The following MIR2052HG variants were observed in gnomAD, a reference collection of about 807,000 sequenced individuals.
The protein encoded by MIR2052HG is MIR2052 host gene.
chr8:74,752,310 A>G, intron 4 of MIR2052HG: 1 of 313,672 alleles, frequency 3.2e-6, no homozygotes, highest in Non-Finnish European at 6.1e-6. Context: ...AAAGTATAGG[A>G]TTTTAAGAGA....
chr8:74,724,299 C>T (rs1449237620), intron 4 of MIR2052HG, among the ~76,000 whole-genome samples: 2 of 152,066 alleles, frequency 1.3e-5, no homozygotes, highest in Non-Finnish European at 2.9e-5. Context: ...TTTCCTTCTA[C>T]TGGCAATGTT....
intron 2 of MIR2052HG, among the ~76,000 whole-genome samples, chr8:74,686,667 C>T (rs762211892): frequency 6.6e-6 from 1 of 151,968 alleles, no homozygotes; most frequent in Non-Finnish European, 1.5e-5. Context: ...GTCATCAAGC[C>T]GTTTTGAAGG....
At chr8:74,615,299 T>A (rs1291735482) in intron 2 of MIR2052HG, among the ~76,000 whole-genome samples, 3 of 152,180 alleles carry the variant, frequency 2.0e-5, no homozygotes, top group Non-Finnish European at 4.4e-5. Flanking sequence ...CAACTCTAGC[T>A]CTAATGTCAT....
intron 2 of MIR2052HG, among the ~76,000 whole-genome samples, chr8:74,658,531 G>A (rs576310944): frequency 7.8e-4 from 118 of 151,918 alleles, no homozygotes; most frequent in African/African-American, 2.7e-3. Flanking sequence ...GCTGGGATGT[G>A]CCCACCACCA....
chr8:74,738,658 A>C (rs557533608), intron 4 of MIR2052HG, among the ~76,000 whole-genome samples: 1 of 152,328 alleles, frequency 6.6e-6, no homozygotes, highest in Admixed American at 6.5e-5. Context: ...AAATCACATT[A>C]ACAGTTTTTT....
chr8:74,714,698 C>CTTTTTTTTTTTTTTT lies in MIR2052HG; in HGVS notation n.371+11021_371+11035dup, dbSNP rs10715580. ...TCTTTGGGAGACCTCCTTTTTCCTT[C>CTTTTTTTTTTTTTTT]TTTTTTTTTTTTTTTTTTTGTTTTT... On this transcript the variant is annotated intron_variant and non_coding_transcript_variant, in intron 4 of 6. Transcript: ENST00000523442. Among the ~76,000 whole-genome samples, 6 of 124,442 alleles carry CTTTTTTTTTTTTTTT rather than the reference C, an allele frequency of 4.8e-5. 1 individual carries two copies. Among genetic ancestry groups the CTTTTTTTTTTTTTTT allele is most frequent in the Non-Finnish European group, 8.3e-5 (5 of 60,060 alleles). The allele number at this position is 124,442 out of a possible 152,430, so 81.6% of individuals were successfully genotyped here.
intron 4 of MIR2052HG, among the ~76,000 whole-genome samples, chr8:74,734,474 C>A (rs1328950859): frequency 6.6e-6 from 1 of 152,136 alleles, no homozygotes; most frequent in Non-Finnish European, 1.5e-5. Flanking sequence ...CTGAGATATC[C>A]AAGATCAGAT....
intron 4 of MIR2052HG, among the ~76,000 whole-genome samples, chr8:74,750,556 G>T (rs926461180): frequency 5.4e-5 from 8 of 147,260 alleles, no homozygotes; most frequent in African/African-American, 1.9e-4. Flanking sequence ...CAAATAAGAG[G>T]TCATTTTGAC....
intron 2 of MIR2052HG, among the ~76,000 whole-genome samples, chr8:74,678,128 A>T (rs1341631378): frequency 6.6e-6 from 1 of 152,230 alleles, no homozygotes; most frequent in Non-Finnish European, 1.5e-5. Context: ...ATTGCCCTAA[A>T]ATCAGTAATT....
intron 2 of MIR2052HG, among the ~76,000 whole-genome samples, chr8:74,674,019 C>G (rs1368787386): frequency 2.0e-5 from 3 of 150,186 alleles, no homozygotes; most frequent in Non-Finnish European, 3.0e-5. Context: ...TTTAAACAAG[C>G]AATTAGTCTC....
rs530490553 is a variant in MIR2052HG, at chr8:74,704,566, C to T, written n.371+884C>T. ...CTTTTTCTTTTTACTAAATCTGATG[C>T]CTACAGGCCTCTCTGGGATTTCTTC... On this transcript the variant is annotated intron_variant and non_coding_transcript_variant, in intron 4 of 6. Coordinates refer to ENST00000523442, the Ensembl canonical transcript of MIR2052HG. 1.2e-3 allele frequency among the ~76,000 whole-genome samples: 181 copies of T among 152,112 alleles called. 2 individuals carry two copies. The highest frequency in any genetic ancestry group is 4.2e-3 in the African/African-American group (175 of 41,532).
At chr8:74,659,378 A>G (rs966356375) in intron 2 of MIR2052HG, among the ~76,000 whole-genome samples, 1 of 152,248 alleles carries the variant, frequency 6.6e-6, no homozygotes, top group Non-Finnish European at 1.5e-5. Context: ...AATAAAGTGT[A>G]TAGTTGAAAC....
chr8:74,613,599 C>G (rs1348988451), intron 2 of MIR2052HG, among the ~76,000 whole-genome samples: 1 of 152,288 alleles, frequency 6.6e-6, no homozygotes, highest in South Asian at 2.1e-4. Flanking sequence ...ATTCTCCCTG[C>G]CTCAGCCTCC....
chr8:74,604,262 G>A lies in MIR2052HG; in HGVS notation n.128+4354G>A, dbSNP rs903208706. 7.0e-6 allele frequency: 6 copies of A among 857,042 alleles called. No homozygotes were observed. The African/African-American group carries it at 8.3e-5, about 12-fold the overall frequency. 53.1% of individuals were successfully genotyped at this position (857,042 alleles called of 1,614,324 possible). A position where few individuals can be genotyped will look rare whatever the true frequency, so the allele number is the denominator to read the frequency against. On this transcript the variant is annotated intron_variant and non_coding_transcript_variant, in intron 1 of 6. Transcript: ENST00000523442. ...GTTTCCATGTCGAGCAGTGTTCTGG[G>A]GAGCTGGACTTTGAGTGGTCAAGTC...
At chr8:74,751,666 C>G (rs1013604027) in intron 4 of MIR2052HG, among the ~76,000 whole-genome samples, 7 of 152,102 alleles carry the variant, frequency 4.6e-5, no homozygotes, top group African/African-American at 1.7e-4. Context: ...ACAGTTTTTA[C>G]CCCATATTAT....
intron 2 of MIR2052HG, among the ~76,000 whole-genome samples, chr8:74,644,867 G>A (rs1218762557): frequency 6.6e-6 from 1 of 151,504 alleles, no homozygotes; most frequent in Non-Finnish European, 1.5e-5. Context: ...CTCTAGCCTG[G>A]GCAAGAGAAC....
At chr8:74,653,367 T>C (rs2128736299) in intron 2 of MIR2052HG, among the ~76,000 whole-genome samples, 1 of 152,372 alleles carries the variant, frequency 6.6e-6, no homozygotes, top group Admixed American at 6.5e-5. Context: ...GATGTGCTCA[T>C]TGAAGAGATG....
chr8:74,620,545 C>T (rs1234645416), intron 2 of MIR2052HG, among the ~76,000 whole-genome samples: 1 of 152,260 alleles, frequency 6.6e-6, no homozygotes, highest in African/African-American at 2.4e-5. Context: ...TGTGCACACA[C>T]AGGCCCAACA....
At chr8:74,656,687 T>C (rs1808811027) in intron 2 of MIR2052HG, among the ~76,000 whole-genome samples, 1 of 152,084 alleles carries the variant, frequency 6.6e-6, no homozygotes, top group Non-Finnish European at 1.5e-5. Flanking sequence ...TGTGATAGAG[T>C]TGGACCAGGA....
Sources: allele counts gnomAD v4.1 joint callset (sites outside exome capture counted in the v4.1 genomes callset), GRCh38; gene constraint gnomAD v4.1.1; transcripts MANE v1.5; gene names NCBI Gene and HGNC (gene_info 2026-07-23, HGNC 2026-07-21).